The following ANOS1 variants were observed in gnomAD, a reference collection of about 807,000 sequenced individuals.
The protein encoded by ANOS1 is anosmin-1.
Under a neutral mutation model 59.0 loss-of-function variants are expected in ANOS1, and 6 were observed. That is an observed-to-expected ratio of 0.10 (90% confidence interval 0.06 to 0.20). The LOEUF (loss-of-function observed/expected upper bound fraction) is 0.20. ANOS1 is among the 10% of genes least tolerant of loss of function. The pLI is 1.00. For missense variants in ANOS1, 433 were observed against 542.3 expected, an observed-to-expected ratio of 0.80 and a Z score of 2.00; for synonymous variants, 217 against 223.4, an observed-to-expected ratio of 0.97 and a Z score of 0.25.
chrX:8,721,889 G>A (rs1026255035), intron 1 of ANOS1, among the ~76,000 whole-genome samples: 1 of 112,267 alleles, frequency 8.9e-6, no homozygotes, highest in African/African-American at 3.2e-5. Context: ...GCTATATCAT[G>A]GCCATTTAGG....
chrX:8,660,198 G>GTCTTGTTCCATACACACAAAAACTTGTT (rs1932013906), intron 2 of ANOS1, among the ~76,000 whole-genome samples: 1 of 111,408 alleles, frequency 9.0e-6, no homozygotes, highest in African/African-American at 3.3e-5. Context: ...GGGCAACGCT[G>GTCTTGTTCCATACACACAAAAACTTGTT]TCTTGTTCCA....
In ANOS1 at chrX:8,570,563, C is replaced by G. The variant is rs1657607004; in HGVS notation, c.998G>C (p.Ser333Thr). The change falls in exon 7 of 14, where the codon AGC becomes ACC. Residue 333 changes from serine to threonine, a missense_variant. By Grantham distance (58) the Ser-to-Thr change is moderately conservative. Transcript: ENST00000262648. ...IPVHHYKVFWSWMVSSKSLVP... is the reference protein window; with the variant it reads ...IPVHHYKVFWTWMVSSKSLVP... ...AAGAGACTTACTGCTGACCATCCAG[C>G]TCCAAAAGACCTTGTAATGATGCAC... The G allele has an allele frequency of 1.7e-6, 2 of 1,209,704 alleles. No homozygotes were observed. The highest frequency in any genetic ancestry group is 2.2e-5 in the Admixed American group (1 of 45,724).
intron 1 of ANOS1, among the ~76,000 whole-genome samples, chrX:8,727,425 G>A: frequency 8.9e-6 from 1 of 112,372 alleles, no homozygotes; most frequent in East Asian, 2.8e-4. Flanking sequence ...GTATGGTTGT[G>A]TCTGTCCCCA....
In ANOS1 at chrX:8,541,435, AAAAAATAAAAC is replaced by A. The variant is rs1472614548; in HGVS notation, c.1355-1688_1355-1678del. Among the ~76,000 whole-genome samples the A allele has an allele frequency of 3.0e-5, 3 of 99,413 alleles. No homozygotes were observed. The Admixed American group carries it at 3.3e-4, about 11-fold the overall frequency. 86.3% of individuals were successfully genotyped at this position (99,413 alleles called of 115,157 possible). On this transcript the variant is annotated intron_variant, in intron 9 of 13. Transcript: ENST00000262648. ...CCCCCCCCCCAAAAACAAAAAAACA[AAAAAATAAAAC>A]AAAAAAAAAACCAGAAGGTAAGGGC...
chrX:8,692,315 C>A (rs1932620609), intron 2 of ANOS1, among the ~76,000 whole-genome samples: 1 of 111,911 alleles, frequency 8.9e-6, no homozygotes, highest in Non-Finnish European at 1.9e-5. Context: ...GCTGCAACAA[C>A]AGAGTTGAGT....
At chrX:8,660,501 A>G (rs893794083) in intron 2 of ANOS1, among the ~76,000 whole-genome samples, 11 of 111,473 alleles carry the variant, frequency 9.9e-5, no homozygotes, top group Non-Finnish European at 1.9e-4. Context: ...ATGGCCAGGG[A>G]CGGGGGCTCA....
rs1030354115 is a variant in ANOS1, at chrX:8,569,418, G to A, written c.1063-1042C>T. 8.9e-5 allele frequency among the ~76,000 whole-genome samples: 10 copies of A among 112,441 alleles called. No homozygotes were observed. The East Asian group carries it at 1.1e-3, about 13-fold the overall frequency. On this transcript the variant is annotated intron_variant, in intron 7 of 13. Coordinates refer to ENST00000262648, the MANE Select transcript of ANOS1 (RefSeq NM_000216.4). ...AGCACTTTGGGAGGCCAAGGTGGGC[G>A]GATCACGAGGTCAGGAGATAGAGAT...
At chrX:8,580,155 T>C (rs1247151555) in intron 6 of ANOS1, among the ~76,000 whole-genome samples, 1 of 112,253 alleles carries the variant, frequency 8.9e-6, no homozygotes, top group Non-Finnish European at 1.9e-5. Flanking sequence ...AAACTTTAGG[T>C]AGACCCCCAG....
intron 2 of ANOS1, among the ~76,000 whole-genome samples, chrX:8,664,254 G>C (rs767618206): frequency 8.9e-6 from 1 of 111,853 alleles, no homozygotes; most frequent in South Asian, 3.8e-4. Context: ...GCAGTGGCGC[G>C]ATCTTGGCTC....
chrX:8,552,835 T>G (rs1169494031), intron 9 of ANOS1, among the ~76,000 whole-genome samples: 3 of 109,653 alleles, frequency 2.7e-5, no homozygotes, highest in Non-Finnish European at 5.7e-5. Flanking sequence ...AATTATTAAC[T>G]GTAATATAGA....
intron 8 of ANOS1, among the ~76,000 whole-genome samples, chrX:8,564,764 C>T (rs947617621): frequency 2.7e-5 from 3 of 111,222 alleles, no homozygotes; most frequent in African/African-American, 6.5e-5. Flanking sequence ...TTATGGGGAA[C>T]CGCATGGCTT....
chrX:8,659,630 C>CTTCCTTCCTTCCTTCCTTCCTTCT (rs796320426), intron 2 of ANOS1, among the ~76,000 whole-genome samples: 66 of 45,164 alleles, frequency 1.5e-3, no homozygotes, highest in African/African-American at 5.5e-3. Flanking sequence ...TCCTTCCTTC[C>CTTCCTTCCTTCCTTCCTTCCTTCT]TTCTTTCTTT....
intron 1 of ANOS1, among the ~76,000 whole-genome samples, chrX:8,724,886 G>A (rs987215227): frequency 8.9e-6 from 1 of 111,898 alleles, no homozygotes. Flanking sequence ...GCTTGAAAGA[G>A]TTATGGCTAT....
chrX:8,707,975 C>T (rs1162315305), intron 1 of ANOS1, among the ~76,000 whole-genome samples: 2 of 112,605 alleles, frequency 1.8e-5, no homozygotes, highest in South Asian at 3.7e-4. Context: ...CCTGTAATCC[C>T]AGCACTTTGG....
intron 1 of ANOS1, among the ~76,000 whole-genome samples, chrX:8,730,162 C>T (rs1932959155): frequency 8.9e-6 from 1 of 111,941 alleles, no homozygotes; most frequent in South Asian, 3.7e-4. Flanking sequence ...AAAAGGTACT[C>T]TTTCTCCCTG....
intron 8 of ANOS1, chrX:8,565,910 G>A: frequency 1.7e-6 from 1 of 583,476 alleles, no homozygotes; most frequent in Non-Finnish European, 2.1e-6. Context: ...GGTCAGGGTG[G>A]GAGGGCAGGG....
At chrX:8,710,657 T>C (rs891975335) in intron 1 of ANOS1, among the ~76,000 whole-genome samples, 1 of 112,100 alleles carries the variant, frequency 8.9e-6, no homozygotes, top group South Asian at 3.7e-4. Context: ...GAGGTTACAG[T>C]GTCCCTGTAA....
chrX:8,589,615 CAA>C (rs1014992573), intron 4 of ANOS1, among the ~76,000 whole-genome samples: 9 of 112,192 alleles, frequency 8.0e-5, no homozygotes, highest in Non-Finnish European at 1.7e-4. Flanking sequence ...GGAACTTCAC[CAA>C]GTCAGTCTTT....
chrX:8,578,849 C>CAAAAAA (rs1220110451), intron 6 of ANOS1, among the ~76,000 whole-genome samples: 1 of 111,165 alleles, frequency 9.0e-6, no homozygotes, highest in Non-Finnish European at 1.9e-5. Context: ...GGCAACATAT[C>CAAAAAA]AAAAAAAATG....
Sources: allele counts gnomAD v4.1 joint callset (sites outside exome capture counted in the v4.1 genomes callset), GRCh38; gene constraint gnomAD v4.1.1; transcripts MANE v1.5; gene names NCBI Gene and HGNC (gene_info 2026-07-23, HGNC 2026-07-21).